The following COL4A6 variants were observed in gnomAD, a reference collection of about 807,000 sequenced individuals.
COL4A6 encodes collagen alpha-6(IV) chain.
COL4A6 carries 59 observed loss-of-function variants against 126.7 expected under a neutral mutation model. That is an observed-to-expected ratio of 0.47 (90% CI 0.38 to 0.58). The LOEUF (loss-of-function observed/expected upper bound fraction) is 0.58, where lower values mean the gene tolerates loss of function less well. Among genes scored for constraint, COL4A6 ranks in the 20% least tolerant of loss-of-function variants. The probability of loss-of-function intolerance (pLI) is 0.00; values close to 1 mark genes in which losing one functional copy is unlikely to be tolerated. For missense variants in COL4A6, 1,285 were observed against 1,337.3 expected (o/e 0.96, Z 0.61); for synonymous variants, 547 against 496.6 (o/e 1.10, Z -1.35).
intron 3 of COL4A6, among the ~76,000 whole-genome samples, chrX:108,238,250 C>T (rs990163767): frequency 2.8e-5 from 3 of 108,419 alleles, no homozygotes; most frequent in Admixed American, 2.0e-4. Context: ...GGATTATAGG[C>T]GCCTACCACC....
intron 38 of COL4A6, 123 bp from the exon 39 acceptor site, chrX:108,165,161 G>A (rs774910875): frequency 2.6e-4 from 223 of 853,766 alleles, no homozygotes; most frequent in Non-Finnish European, 1.5e-4. Context: ...CCTCACCATC[G>A]GTGGGGTCCT....
chrX:108,160,663 G>A lies in COL4A6; in HGVS notation c.4334-9C>T. On this transcript the variant is annotated splice_polypyrimidine_tract_variant and intron_variant, in intron 42 of 44. Transcript: ENST00000334504. ...TTGCTGCCCTGGAGCTCCTGAGAGA[G>A]ACAGATCATAAAAGGTGAGTGTGGT... is the stretch of plus-strand genomic sequence containing the variant. 8.4e-7 allele frequency: 1 copy of A among 1,194,208 alleles called. No individual in the cohort carries two copies. The highest frequency in any genetic ancestry group is 1.9e-5 in the South Asian group (1 of 53,621).
At chrX:108,193,493 G>T in intron 17 of COL4A6, 135 bp downstream of exon 17, 1 of 518,298 alleles carries the variant, frequency 1.9e-6, no homozygotes, top group Non-Finnish European at 3.3e-6. Context: ...AAGCTCAGGA[G>T]CCATGAGGGG....
chrX:108,276,516 T>C (rs1227322395), intron 3 of COL4A6, among the ~76,000 whole-genome samples: 4 of 112,519 alleles, frequency 3.6e-5, no homozygotes, highest in African/African-American at 1.3e-4. Context: ...CCCAGATACT[T>C]TGCATGTGTG....
At chrX:108,343,159 A>AGTGTGTGTG (rs765105305) in intron 2 of COL4A6, among the ~76,000 whole-genome samples, 39 of 68,928 alleles carry the variant, frequency 5.7e-4, no homozygotes, top group African/African-American at 2.1e-3. Flanking sequence ...ATATATATAT[A>AGTGTGTGTG]TATATAGTGT....
At chrX:108,335,428 CA>C (rs2039407253) in intron 2 of COL4A6, among the ~76,000 whole-genome samples, 1 of 111,917 alleles carries the variant, frequency 8.9e-6, no homozygotes, top group African/African-American at 3.2e-5. Flanking sequence ...CATTCATTCC[CA>C]TGTCTATTTT....
intron 30 of COL4A6, 71 bp from the exon 31 acceptor site, chrX:108,174,692 G>T (rs1035768402): frequency 2.0e-6 from 2 of 978,158 alleles, no homozygotes; most frequent in Admixed American, 3.2e-5. Flanking sequence ...AGATGCAGGT[G>T]CCCCAGGTCG....
chrX:108,183,022 T>C (rs754669965), intron 23 of COL4A6, among the ~76,000 whole-genome samples: 26 of 112,362 alleles, frequency 2.3e-4, no homozygotes, highest in African/African-American at 8.4e-4. Context: ...ACGACATATT[T>C]CTCTCAATAA....
intron 2 of COL4A6, among the ~76,000 whole-genome samples, chrX:108,313,285 T>G (rs1214289940): frequency 1.8e-5 from 2 of 111,647 alleles, no homozygotes; most frequent in East Asian, 5.6e-4. Flanking sequence ...CATTTCCACC[T>G]TGGAATGCTC....
intron 2 of COL4A6, among the ~76,000 whole-genome samples, chrX:108,316,448 G>T (rs1257262103): frequency 8.9e-6 from 1 of 111,756 alleles, no homozygotes; most frequent in African/African-American, 3.3e-5. Context: ...GGGTAAGAGG[G>T]TAGGAAGTGT....
At chrX:108,356,833 T>C (rs2039971812) in intron 2 of COL4A6, among the ~76,000 whole-genome samples, 1 of 110,907 alleles carries the variant, frequency 9.0e-6, no homozygotes, top group Non-Finnish European at 1.9e-5. Context: ...TCATTCTTTA[T>C]TTTCCTGGAA....
At chrX:108,160,344 T>G in intron 43 of COL4A6, 119 bp downstream of exon 43, 3 of 704,678 alleles carry the variant, frequency 4.3e-6, no homozygotes, top group Non-Finnish European at 6.4e-6. Context: ...ACTCCAGAGC[T>G]GATGCTTGTA....
chrX:108,398,710 C>T (rs1180586232), intron 2 of COL4A6, among the ~76,000 whole-genome samples: 3 of 111,036 alleles, frequency 2.7e-5, no homozygotes, highest in Non-Finnish European at 5.7e-5. Flanking sequence ...ATCCACAGAC[C>T]GTTAAGGGAT....
At chrX:108,347,177 G>A (rs191699177) in intron 2 of COL4A6, among the ~76,000 whole-genome samples, 3 of 111,797 alleles carry the variant, frequency 2.7e-5, no homozygotes, top group East Asian at 5.6e-4. Flanking sequence ...ATGCCATCCC[G>A]TCGCAGGGAG....
intron 37 of COL4A6, among the ~76,000 whole-genome samples, chrX:108,168,398 T>C (rs1659037159): frequency 8.9e-6 from 1 of 111,939 alleles, no homozygotes; most frequent in Non-Finnish European, 1.9e-5. Context: ...GATGCATCAA[T>C]TTAAAATGCA....
chrX:108,432,415 A>G (rs1037093760), intron 2 of COL4A6, among the ~76,000 whole-genome samples: 3 of 112,798 alleles, frequency 2.7e-5, no homozygotes, highest in African/African-American at 9.6e-5. Context: ...AATAATTTTT[A>G]AAATTACTTT....
chrX:108,437,934 A>G lies in COL4A6; in HGVS notation c.63+8T>C. On this transcript the variant is annotated splice_region_variant and intron_variant, in intron 2 of 44. Transcript: ENST00000334504. ...GGGGACGGAAAAGGGTCGTGAGAAG[A>G]GACTCACCGCTGCTGCCAGTTCCTC... is the stretch of plus-strand genomic sequence containing the variant. The G allele has an allele frequency of 8.3e-7, 1 of 1,210,793 alleles. No homozygotes were observed. The highest frequency in any genetic ancestry group is 1.8e-5 in the South Asian group (1 of 56,834).
rs1185214528 is a variant in COL4A6, at chrX:108,172,456, A to G, written c.3202+13T>C. 1.4e-5 allele frequency: 17 copies of G among 1,186,193 alleles called. No individual in the cohort carries two copies. The highest frequency in any genetic ancestry group is 1.9e-5 in the Non-Finnish European group (17 of 883,304). Reference sequence around the variant, plus strand: ...AGAAGAAAACATTAAAAGAAAAAAAAAATGCTCCTTACCTTTCAGGCCTGG... The same window carrying G: ...AGAAGAAAACATTAAAAGAAAAAAAGAATGCTCCTTACCTTTCAGGCCTGG... On this transcript the variant is annotated intron_variant, in intron 32 of 44. Coordinates refer to ENST00000334504, the MANE Select transcript of COL4A6 (RefSeq NM_033641.4).
intron 2 of COL4A6, among the ~76,000 whole-genome samples, chrX:108,347,698 T>C (rs1450484832): frequency 1.8e-5 from 2 of 110,928 alleles, no homozygotes; most frequent in Non-Finnish European, 3.8e-5. Context: ...ATTGTTATTA[T>C]GACTGGTAAA....
Sources: gnomAD v4.1 joint callset for allele counts (sites outside exome capture counted in the v4.1 genomes callset) on GRCh38, gnomAD v4.1.1 for gene constraint, MANE v1.5 for transcripts, NCBI Gene and HGNC (gene_info 2026-07-23, HGNC 2026-07-21) for gene names.